Variants in SH3BP5 observed in about 807,000 individuals in gnomAD.
SH3BP5 encodes the protein SH3 domain binding protein 5.
SH3BP5 carries 22 observed loss-of-function variants against 43.3 expected under a neutral mutation model. That is an observed-to-expected ratio of 0.51 (90% CI 0.36 to 0.73). The LOEUF is 0.73. SH3BP5 is among the 30% of genes least tolerant of loss of function. SH3BP5 has a pLI of 0.00. For synonymous variants in SH3BP5, 255 were observed against 225.8 expected, an observed-to-expected ratio of 1.13 and a Z score of -1.16; for missense variants, 529 against 586.9, an observed-to-expected ratio of 0.90 and a Z score of 1.02.
rs1208861243 is a variant in SH3BP5 at position 15,254,877 on chromosome 3, C to T, written c.*1209G>A. On this transcript the variant is annotated 3_prime_UTR_variant, in exon 9 of 9. Coordinates refer to ENST00000383791, the MANE Select transcript of SH3BP5 (RefSeq NM_004844.5). ...CTTTTCTCAAGCCGTTTTTATTACA[C>T]TTAGTGTATTAAGACAAGTACAAAA... The T allele has an allele frequency of 6.6e-6, 1 of 152,128 alleles. No individual in the cohort carries two copies. The highest frequency in any genetic ancestry group is 2.4e-5 in the African/African-American group (1 of 41,392). The allele number at this position is 152,128 out of a possible 1,614,324, so 9.4% of individuals were successfully genotyped here.
rs547844275 is a variant in SH3BP5 at position 15,273,753 on chromosome 3, C to T, written c.331-3876G>A. 3.9e-5 allele frequency among the ~76,000 whole-genome samples: 6 copies of T among 152,332 alleles called. No individual in the cohort carries two copies. The South Asian group carries it at 1.2e-3, about 32-fold the overall frequency. ...GACCCTCACTTCCCAGCCCTCACTA[C>T]AACTGGTCCCTCTGGTAAGTGACAG... On this transcript the variant is annotated intron_variant, in intron 3 of 8. Transcript: ENST00000383791.
chr3:15,268,091 C>A (rs758139067), intron 4 of SH3BP5, among the ~76,000 whole-genome samples: 1 of 152,192 alleles, frequency 6.6e-6, no homozygotes, highest in Non-Finnish European at 1.5e-5. Context: ...TTCTAGCCCA[C>A]GTCTAGCTCT....
rs779553884 is a variant in SH3BP5 at position 15,258,967 on chromosome 3, C to T, written c.753G>A (p.Glu251=). Residue 251 remains glutamate (E), a synonymous_variant, in exon 7 of 9, where the codon GAG becomes GAA. Coordinates refer to ENST00000383791, the MANE Select transcript of SH3BP5 (RefSeq NM_004844.5). The part of the protein sequence containing the change: ...GEYKMALKNL[E]MISDEIHERR... ...GCTCGTGGATCTCATCTGAGATCAT[C>T]TCCAGGTTCTTCAGGGCCATCTTGT... is the stretch of plus-strand genomic sequence containing the variant. The T allele has an allele frequency of 1.2e-6, 2 of 1,614,204 alleles. No homozygotes were observed. The highest frequency in any genetic ancestry group is 1.7e-6 in the Non-Finnish European group (2 of 1,180,030).
chr3:15,293,461 T>A (rs1697470700), intron 3 of SH3BP5, among the ~76,000 whole-genome samples: 1 of 152,192 alleles, frequency 6.6e-6, no homozygotes, highest in African/African-American at 2.4e-5. Flanking sequence ...AGGGGAAAGT[T>A]CCCAAGGACT....
rs1251843409 is a variant in SH3BP5 at position 15,269,579 on chromosome 3, G to A, written c.495+134C>T. 1.5e-5 allele frequency: 14 copies of A among 928,670 alleles called. 1 individual carries two copies. The highest frequency in any genetic ancestry group is 3.4e-5 in the African/African-American group (2 of 59,564). The allele number at this position is 928,670 out of a possible 1,614,324, so 57.5% of individuals were successfully genotyped here. On this transcript the variant is annotated intron_variant, in intron 4 of 8. Transcript: ENST00000383791. ...ACCAAGCGCAGCCAAGAGATCATACGGAGATGACAACCTGTGATTTTCAGG... is the reference window on the plus strand; with the variant it reads ...ACCAAGCGCAGCCAAGAGATCATACAGAGATGACAACCTGTGATTTTCAGG...
intron 2 of SH3BP5, among the ~76,000 whole-genome samples, chr3:15,315,670 A>C (rs191263824): frequency 6.6e-6 from 1 of 152,288 alleles, no homozygotes; most frequent in East Asian, 1.9e-4. Flanking sequence ...TGATCTAACT[A>C]TGAAGGGTTT....
chr3:15,293,206 C>T (rs1697462456), intron 3 of SH3BP5, among the ~76,000 whole-genome samples: 1 of 152,242 alleles, frequency 6.6e-6, no homozygotes, highest in South Asian at 2.1e-4. Flanking sequence ...CCCTGTCATT[C>T]CACTACGTGC....
intron 4 of SH3BP5, among the ~76,000 whole-genome samples, chr3:15,263,185 C>T (rs530563767): frequency 6.6e-6 from 1 of 152,318 alleles, no homozygotes; most frequent in South Asian, 2.1e-4. Context: ...TCTGATTCAA[C>T]AGCTGTCCAC....
At chr3:15,307,561 A>G (rs1441220464) in intron 2 of SH3BP5, among the ~76,000 whole-genome samples, 1 of 152,260 alleles carries the variant, frequency 6.6e-6, no homozygotes, top group Non-Finnish European at 1.5e-5. Context: ...ATACAAATGT[A>G]AAACATTTAA....
chr3:15,264,688 A>G (rs1309599496), intron 4 of SH3BP5, among the ~76,000 whole-genome samples: 1 of 152,306 alleles, frequency 6.6e-6, no homozygotes, highest in East Asian at 1.9e-4. Context: ...AAGGGCTAAG[A>G]GAATCCTTTC....
chr3:15,305,939 G>A (rs2125114128), intron 2 of SH3BP5, among the ~76,000 whole-genome samples: 1 of 152,034 alleles, frequency 6.6e-6, no homozygotes, highest in South Asian at 2.1e-4. Context: ...GGTCTAGGAG[G>A]ACCTATTGGA....
At chr3:15,309,152 T>C (rs995070279) in intron 2 of SH3BP5, among the ~76,000 whole-genome samples, 17 of 152,020 alleles carry the variant, frequency 1.1e-4, no homozygotes, top group African/African-American at 4.1e-4. Context: ...AATCAAGAAG[T>C]AGTCACACAA....
At chr3:15,316,904 G>A (rs1698200255) in intron 2 of SH3BP5, among the ~76,000 whole-genome samples, 1 of 152,242 alleles carries the variant, frequency 6.6e-6, no homozygotes, top group Non-Finnish European at 1.5e-5. Flanking sequence ...CACACAGCTA[G>A]AAAGACTGGG....
chr3:15,266,378 C>T (rs928983680), intron 4 of SH3BP5, among the ~76,000 whole-genome samples: 1 of 152,160 alleles, frequency 6.6e-6, no homozygotes, highest in Non-Finnish European at 1.5e-5. Context: ...CGTGTCCTCT[C>T]CAGCAGCCAC....
At chr3:15,291,118 T>C (rs1377444185) in intron 3 of SH3BP5, among the ~76,000 whole-genome samples, 2 of 152,202 alleles carry the variant, frequency 1.3e-5, no homozygotes, top group Non-Finnish European at 2.9e-5. Flanking sequence ...CAGCTCCTTA[T>C]CTTAGAAACT....
At chr3:15,323,212 G>C (rs1401464457) in intron 2 of SH3BP5, among the ~76,000 whole-genome samples, 1 of 152,186 alleles carries the variant, frequency 6.6e-6, no homozygotes. Flanking sequence ...CAGCAGGCAG[G>C]CCACAGCGCA....
chr3:15,308,037 A>G (rs1481398841), intron 2 of SH3BP5, among the ~76,000 whole-genome samples: 2 of 152,006 alleles, frequency 1.3e-5, no homozygotes, highest in Admixed American at 6.5e-5. Context: ...TCATTTAAAG[A>G]AAAAAAATAG....
intron 2 of SH3BP5, among the ~76,000 whole-genome samples, chr3:15,312,377 G>C (rs755047028): frequency 3.9e-5 from 6 of 152,138 alleles, no homozygotes; most frequent in Non-Finnish European, 7.4e-5. Context: ...TCATCTTAAT[G>C]AATATAGACC....
intron 2 of SH3BP5, among the ~76,000 whole-genome samples, chr3:15,321,376 A>C (rs571518778): frequency 6.6e-5 from 10 of 152,262 alleles, no homozygotes; most frequent in African/African-American, 1.9e-4. Flanking sequence ...TTAACAATAC[A>C]CTAATTCATC....
Sources: gnomAD v4.1 joint callset for allele counts (sites outside exome capture counted in the v4.1 genomes callset) on GRCh38, gnomAD v4.1.1 for gene constraint, MANE v1.5 for transcripts, NCBI Gene and HGNC (gene_info 2026-07-23, HGNC 2026-07-21) for gene names.